Variants in ZNF726 observed in about 807,000 individuals in gnomAD.
ZNF726 encodes the protein zinc finger protein 92 pseudogene 3.
A neutral mutation model predicts 11.6 loss-of-function variants in ZNF726; 15 were observed. The ratio of observed to expected loss-of-function variants is 1.29; its 90% CI spans 0.86 to 1.99. ZNF726 has a LOEUF of 1.99. ZNF726 is among the 30% of genes most tolerant of loss of function. The pLI is 0.00. For synonymous variants in ZNF726, 295 were observed against 243.6 expected, an observed-to-expected ratio of 1.21 and a Z score of -1.96; for missense variants, 890 against 725.6, an observed-to-expected ratio of 1.23 and a Z score of -2.60.
intron 3 of ZNF726, among the ~76,000 whole-genome samples, chr19:23,926,952 T>C (rs907444610): frequency 2.0e-5 from 3 of 152,222 alleles, no homozygotes; most frequent in African/African-American, 7.2e-5. Flanking sequence ...CAATGTTTCC[T>C]TAAAAAACCC....
intron 3 of ZNF726, among the ~76,000 whole-genome samples, chr19:23,942,712 T>G (rs1968358297): frequency 6.6e-6 from 1 of 152,212 alleles, no homozygotes; most frequent in Non-Finnish European, 1.5e-5. Context: ...GATTATATAG[T>G]GTCCATCTTT....
At chr19:23,926,555 GC>G (rs1967992516) in intron 3 of ZNF726, among the ~76,000 whole-genome samples, 1 of 109,456 alleles carries the variant, frequency 9.1e-6, no homozygotes, top group African/African-American at 3.7e-5. Flanking sequence ...GGGCAACAGA[GC>G]AAGACTCTGT....
chr19:23,940,063 G>C (rs778913743), intron 3 of ZNF726, among the ~76,000 whole-genome samples: 1 of 151,618 alleles, frequency 6.6e-6, no homozygotes, highest in Non-Finnish European at 1.5e-5. Flanking sequence ...TTTTTACTGC[G>C]TTTGCTTTTG....
chr19:23,940,896 C>T (rs543692422), intron 3 of ZNF726, among the ~76,000 whole-genome samples: 207 of 152,168 alleles, frequency 1.4e-3, no homozygotes, highest in Non-Finnish European at 2.5e-3. Context: ...GAGGAGTCCT[C>T]AGGGTTTTCA....
At chr19:23,927,009 GCT>G (rs1568377750) in intron 3 of ZNF726, among the ~76,000 whole-genome samples, 1 of 152,106 alleles carries the variant, frequency 6.6e-6, no homozygotes, top group Non-Finnish European at 1.5e-5. Context: ...ATGGAGTCTT[GCT>G]CTGTCGCCCA....
downstream of ZNF726, among the ~76,000 whole-genome samples, chr19:23,936,390 CTTTT>C (rs551507692): frequency 6.6e-6 from 1 of 151,888 alleles, no homozygotes; most frequent in Non-Finnish European, 1.5e-5. Flanking sequence ...CAAAGTATAA[CTTTT>C]TTTTGAAAAT....
chr19:23,928,612 A>C (rs966894083), intron 3 of ZNF726: 1 of 152,144 alleles, frequency 6.6e-6, no homozygotes, highest in African/African-American at 2.4e-5. Context: ...ACTTGACTTA[A>C]AATATATTAT....
chr19:23,937,204 C>T (rs1425138774), downstream of ZNF726, among the ~76,000 whole-genome samples: 6 of 151,182 alleles, frequency 4.0e-5, no homozygotes, highest in East Asian at 1.2e-3. Flanking sequence ...CTCCACCTCC[C>T]TCCCGGACGG....
At chr19:23,942,153 G>A (rs893288653) in intron 3 of ZNF726, among the ~76,000 whole-genome samples, 2 of 151,936 alleles carry the variant, frequency 1.3e-5, no homozygotes, top group African/African-American at 4.8e-5. Flanking sequence ...GTTTTGATTG[G>A]TTGTGTCATT....
intron 3 of ZNF726, among the ~76,000 whole-genome samples, chr19:23,930,887 G>C (rs985768363): frequency 3.3e-5 from 5 of 152,110 alleles, no homozygotes; most frequent in African/African-American, 1.2e-4. Context: ...ATATTGTCTT[G>C]ACATTGTAAT....
downstream of ZNF726, among the ~76,000 whole-genome samples, chr19:23,936,415 A>T (rs1363233911): frequency 4.6e-5 from 7 of 152,212 alleles, no homozygotes; most frequent in African/African-American, 1.7e-4. Context: ...ACAGAATTTT[A>T]AAAAAGCAAA....
At chr19:23,924,956 T>C (rs1221369550) in intron 3 of ZNF726, among the ~76,000 whole-genome samples, 9 of 152,192 alleles carry the variant, frequency 5.9e-5, no homozygotes, top group Admixed American at 5.2e-4. Context: ...AAAAGACTTC[T>C]AGAAATTTTA....
intron 3 of ZNF726, among the ~76,000 whole-genome samples, chr19:23,943,021 T>C (rs1477131300): frequency 6.6e-6 from 1 of 152,178 alleles, no homozygotes. Flanking sequence ...GTGTTTTTTT[T>C]TGGGGAGGGA....
downstream of ZNF726, among the ~76,000 whole-genome samples, chr19:23,937,177 G>A (rs536361390): frequency 6.5e-3 from 974 of 150,238 alleles, 13 homozygotes; most frequent in African/African-American, 0.022. Flanking sequence ...GTGGCTGGCC[G>A]GGTGGGTGGC....
At chr19:23,943,514 G>C (rs762376412) in exon 4 of ZNF726, 1 of 665,814 alleles carries the variant, frequency 1.5e-6, no homozygotes, top group Non-Finnish European at 2.8e-6. Context: ...CTCTAACCCT[G>C]ATCTGATCTC....
At chr19:23,932,259 G>GT in intron 3 of ZNF726, 84 bp from the exon 4 acceptor site, 1 of 1,063,422 alleles carries the variant, frequency 9.4e-7, no homozygotes, top group South Asian at 4.1e-5. Flanking sequence ...GTTTTTGTAG[G>GT]TTGTATAATT....
In ZNF726 at chr19:23,932,563, A is replaced by G; in HGVS notation, c.447A>G (p.Lys149=). The change falls in exon 4 of 4, where the codon AAA becomes AAG. Residue 149 remains lysine, a synonymous_variant. Transcript: ENST00000594466. ...AGGGCAAAGCTTCTCAATGTGGTAAATATTTGAAAGTCTTTTATAAATTTA... is the reference window on the plus strand; with the variant it reads ...AGGGCAAAGCTTCTCAATGTGGTAAGTATTTGAAAGTCTTTTATAAATTTA... The part of the protein sequence containing the change: ...TTQGKASQCG[K]YLKVFYKFIN... 1 of 1,583,898 alleles carries G rather than the reference A, an allele frequency of 6.3e-7. No individual in the cohort carries two copies. The highest frequency in any genetic ancestry group is 1.2e-5 in the South Asian group (1 of 84,848).
rs189756660 is a variant in ZNF726 at position 23,934,427 on chromosome 19, A to G, written c.*460A>G. ...TGTCAAAGCCTTTAAGCAGTCTTCAATCCTGAGTAACCATAAGATAATTCA... is the reference window on the plus strand; with the variant it reads ...TGTCAAAGCCTTTAAGCAGTCTTCAGTCCTGAGTAACCATAAGATAATTCA... On this transcript the variant is annotated 3_prime_UTR_variant, in exon 4 of 4. Transcript: ENST00000594466. 66 of 453,482 alleles carry G rather than the reference A, an allele frequency of 1.5e-4. No individual in the cohort carries two copies. In the Admixed American group the frequency reaches 1.5e-3, roughly 10 times the overall value. The allele number at this position is 453,482 out of a possible 1,614,324, so 28.1% of individuals were successfully genotyped here. A position where few individuals can be genotyped will look rare whatever the true frequency, so the allele number is the denominator to read the frequency against.
chr19:23,919,531 A>G, intron 2 of ZNF726, 32 bp downstream of exon 2: 1 of 1,549,476 alleles, frequency 6.5e-7, no homozygotes, highest in African/African-American at 1.4e-5. Context: ...AATTTTTAAT[A>G]TAAACTAAAG....
Sources: allele counts gnomAD v4.1 joint callset (sites outside exome capture counted in the v4.1 genomes callset), GRCh38; gene constraint gnomAD v4.1.1; transcripts MANE v1.5; gene names NCBI Gene and HGNC (gene_info 2026-07-23, HGNC 2026-07-21).